AQP7B: variants seen among roughly 807,000 people sequenced by gnomAD.
AQP7B encodes the protein putative aquaporin-7B.
chr2:94,600,491 G>A, the AQP7B span, among the ~76,000 whole-genome samples: 5 of 152,142 alleles, frequency 3.3e-5, no homozygotes, highest in Non-Finnish European at 7.3e-5. Flanking sequence ...CAGCACTCTG[G>A]GAGGCTGAGG....
chr2:94,601,388 G>T, the AQP7B span, among the ~76,000 whole-genome samples: 1 of 152,360 alleles, frequency 6.6e-6, no homozygotes, highest in Non-Finnish European at 1.5e-5. Flanking sequence ...AACACCAGGA[G>T]AGTTCCAATG....
At chr2:94,593,150 G>C in the AQP7B span, among the ~76,000 whole-genome samples, 18 of 152,216 alleles carry the variant, frequency 1.2e-4, no homozygotes, top group African/African-American at 3.6e-4. Context: ...GCATTGTGAT[G>C]AGCATTGCCC....
chr2:94,602,437 C>T, the AQP7B span: 1 of 1,551,664 alleles, frequency 6.4e-7, no homozygotes, highest in Non-Finnish European at 8.8e-7. Context: ...TCTGAGCCCT[C>T]CTCTGAGGTT....
At chr2:94,594,863 A>G in the AQP7B span, 9 of 1,497,712 alleles carry the variant, frequency 6.0e-6, no homozygotes, top group South Asian at 1.0e-4. Context: ...ATGAGCACAT[A>G]TGTCATGATG....
chr2:94,593,480 C>CTTTTTT, the AQP7B span, among the ~76,000 whole-genome samples: 7 of 113,942 alleles, frequency 6.1e-5, no homozygotes, highest in Non-Finnish European at 7.2e-5. Context: ...TCCTCTTCCT[C>CTTTTTT]TTTTTTTTTT....
the AQP7B span, among the ~76,000 whole-genome samples, chr2:94,593,134 T>G: frequency 6.6e-6 from 1 of 152,066 alleles, no homozygotes; most frequent in African/African-American, 2.4e-5. Context: ...ACTGAGCAAT[T>G]ACTATGCATT....
the AQP7B span, among the ~76,000 whole-genome samples, chr2:94,602,194 C>A: frequency 6.6e-6 from 1 of 151,948 alleles, no homozygotes; most frequent in Admixed American, 6.6e-5. Context: ...AGCCCTGCCT[C>A]ACCCCAAAAC....
the AQP7B span, among the ~76,000 whole-genome samples, chr2:94,595,567 G>A: frequency 2.6e-5 from 4 of 152,028 alleles, no homozygotes; most frequent in Non-Finnish European, 4.4e-5. Context: ...GATCAGATTT[G>A]GATTTTAAAG....
the AQP7B span, among the ~76,000 whole-genome samples, chr2:94,593,849 G>A: frequency 7.3e-4 from 111 of 151,954 alleles, no homozygotes; most frequent in African/African-American, 2.5e-3. Context: ...AGTCCTATAC[G>A]TCTCCCTATA....
the AQP7B span, among the ~76,000 whole-genome samples, chr2:94,602,884 G>A: frequency 1.3e-5 from 2 of 152,160 alleles, no homozygotes; most frequent in South Asian, 2.1e-4. Context: ...AGTGAAGGTG[G>A]CCCCTGCCTC....
chr2:94,588,281 G>T, the AQP7B span, among the ~76,000 whole-genome samples: 1 of 151,998 alleles, frequency 6.6e-6, no homozygotes, highest in South Asian at 2.1e-4. Flanking sequence ...CTGGCCTGGG[G>T]TTGGGGTCCT....
the AQP7B span, among the ~76,000 whole-genome samples, chr2:94,601,095 A>T: frequency 6.6e-6 from 1 of 152,176 alleles, no homozygotes; most frequent in Non-Finnish European, 1.5e-5. Context: ...AAAGCAAGGC[A>T]TGCATGGAGC....
At chr2:94,587,430 G>A in the AQP7B span, among the ~76,000 whole-genome samples, 4 of 152,200 alleles carry the variant, frequency 2.6e-5, no homozygotes, top group Admixed American at 6.5e-5. Flanking sequence ...CTCCAGGCAG[G>A]GTGGGGATGG....
At chr2:94,593,033 G>C in the AQP7B span, among the ~76,000 whole-genome samples, 1 of 151,620 alleles carries the variant, frequency 6.6e-6, no homozygotes, top group South Asian at 2.1e-4. Flanking sequence ...TTGTCATACT[G>C]CCCAGGCTGG....
chr2:94,599,866 C>T, the AQP7B span, among the ~76,000 whole-genome samples: 1 of 143,658 alleles, frequency 7.0e-6, no homozygotes, highest in Non-Finnish European at 1.5e-5. Context: ...CCTTTCAACT[C>T]TTTTTTTTTT....
the AQP7B span, among the ~76,000 whole-genome samples, chr2:94,588,983 C>CTT: frequency 5.6e-4 from 76 of 135,360 alleles, no homozygotes; most frequent in African/African-American, 1.3e-3. Flanking sequence ...GTTTTTTTTT[C>CTT]TTTTTTTTTT....
At chr2:94,603,831 G>T in the AQP7B span, 1 of 1,475,628 alleles carries the variant, frequency 6.8e-7, no homozygotes, top group East Asian at 2.3e-5. Context: ...TCATCAGGGT[G>T]TCCCATGGCA....
At chr2:94,598,563 T>G in the AQP7B span, among the ~76,000 whole-genome samples, 2 of 152,066 alleles carry the variant, frequency 1.3e-5, no homozygotes. Flanking sequence ...GGCTGCAGAG[T>G]GCCAATCTGT....
the AQP7B span, among the ~76,000 whole-genome samples, chr2:94,602,016 G>A: frequency 3.3e-5 from 4 of 119,674 alleles, no homozygotes; most frequent in South Asian, 2.7e-4. Flanking sequence ...GAATTGCGGC[G>A]GAGTGTGTGT....
Sources: gnomAD v4.1 joint callset for allele counts (sites outside exome capture counted in the v4.1 genomes callset) on GRCh38, gnomAD v4.1.1 for gene constraint, MANE v1.5 for transcripts, NCBI Gene and HGNC (gene_info 2026-07-23, HGNC 2026-07-21) for gene names.